AGMO: variants seen among roughly 807,000 people sequenced by gnomAD.
The protein encoded by AGMO is glyceryl-ether monooxygenase.
Under a neutral mutation model 60.2 loss-of-function variants are expected in AGMO, and 75 were observed. The observed-to-expected ratio is 1.25, with a 90% CI of 1.03 to 1.51. AGMO has a LOEUF of 1.51. Among genes scored for constraint, AGMO ranks in the 40% most tolerant of loss-of-function variants. AGMO has a pLI of 0.00. For missense variants in AGMO, 763 were observed against 525.5 expected (o/e 1.45, Z -4.42); for synonymous variants, 261 against 177.1 (o/e 1.47, Z -3.76).
At chr7:15,418,017 G>C (rs77222727) in intron 5 of AGMO, among the ~76,000 whole-genome samples, 18 of 152,090 alleles carry the variant, frequency 1.2e-4, no homozygotes, top group Middle Eastern at 3.4e-3. Flanking sequence ...TGCCACGGAA[G>C]ACTCTAAAAT....
intron 12 of AGMO, among the ~76,000 whole-genome samples, chr7:15,293,653 T>C (rs1291611111): frequency 6.6e-6 from 1 of 152,200 alleles, no homozygotes; most frequent in Non-Finnish European, 1.5e-5. Flanking sequence ...TATTCAGGTG[T>C]TCAAAGAAAG....
chr7:15,172,839 G>A, the AGMO span, among the ~76,000 whole-genome samples: 1 of 152,104 alleles, frequency 6.6e-6, no homozygotes, highest in Non-Finnish European at 1.5e-5. Flanking sequence ...AGAGGATGGC[G>A]CTGTGTTTCC....
the AGMO span, among the ~76,000 whole-genome samples, chr7:15,152,891 C>T: frequency 3.8e-4 from 58 of 152,230 alleles, no homozygotes; most frequent in African/African-American, 1.3e-3. Flanking sequence ...AATGACAGAT[C>T]TACTTTTAGT....
intron 12 of AGMO, among the ~76,000 whole-genome samples, chr7:15,311,788 T>G (rs1341305245): frequency 6.6e-6 from 1 of 152,308 alleles, no homozygotes; most frequent in Non-Finnish European, 1.5e-5. Flanking sequence ...TCTGTTGAAA[T>G]TATCAGACAT....
rs562554398 is a variant in AGMO, at chr7:15,352,582, C to T, written c.1263+12932G>A. 4.0e-5 allele frequency among the ~76,000 whole-genome samples: 6 copies of T among 151,744 alleles called. No homozygotes were observed. The South Asian group carries it at 1.2e-3, about 32-fold the overall frequency. The stretch of plus-strand genomic sequence containing the variant: ...CTCAGGCTTGGCCAGAAATGCGTGG[C>T]AATTTTACGGTCAATTGGCGGGAGC... On this transcript the variant is annotated intron_variant, in intron 12 of 12. Transcript: ENST00000342526.
At chr7:15,300,778 G>T (rs1052200937) in intron 12 of AGMO, among the ~76,000 whole-genome samples, 3 of 152,146 alleles carry the variant, frequency 2.0e-5, no homozygotes, top group African/African-American at 7.2e-5. Context: ...ACATTCTGTA[G>T]CACTGCTTGT....
intron 12 of AGMO, among the ~76,000 whole-genome samples, chr7:15,308,315 A>G (rs1453534496): frequency 1.3e-5 from 2 of 152,010 alleles, no homozygotes; most frequent in East Asian, 3.9e-4. Flanking sequence ...CTATTTAAAA[A>G]TTTATCCTTG....
intron 12 of AGMO, among the ~76,000 whole-genome samples, chr7:15,312,616 T>G (rs992995282): frequency 6.6e-6 from 1 of 151,884 alleles, no homozygotes; most frequent in Non-Finnish European, 1.5e-5. Context: ...TATAAAGTTG[T>G]GAATCAAAGT....
chr7:15,507,814 T>A (rs528869723), intron 3 of AGMO, among the ~76,000 whole-genome samples: 1 of 152,196 alleles, frequency 6.6e-6, no homozygotes, highest in South Asian at 2.1e-4. Flanking sequence ...AGATAGATAT[T>A]ACAGTAAACT....
At chr7:15,354,370 A>ACG (rs1554422603) in intron 12 of AGMO, among the ~76,000 whole-genome samples, 1,027 of 62,802 alleles carry the variant, frequency 0.016, 124 homozygotes, top group African/African-American at 0.027. Context: ...GTGTATATAG[A>ACG]CGTGTGTATA....
intron 12 of AGMO, among the ~76,000 whole-genome samples, chr7:15,301,406 T>C (rs1202081117): frequency 6.6e-6 from 1 of 151,694 alleles, no homozygotes; most frequent in Non-Finnish European, 1.5e-5. Context: ...GCCACTGCAC[T>C]CCAGCCTGGG....
chr7:15,232,601 A>T (rs1782290483), intron 12 of AGMO, among the ~76,000 whole-genome samples: 1 of 152,162 alleles, frequency 6.6e-6, no homozygotes, highest in Non-Finnish European at 1.5e-5. Flanking sequence ...CTGCCTTTAT[A>T]AATTGGAATG....
chr7:15,472,355 G>C lies in AGMO; in HGVS notation c.410-41247C>G, dbSNP rs79806148. ...TGGAAATGTATTTCTTAAAAGGAAA[G>C]ATCTTCAGTAAACTCAGATGTATGC... On this transcript the variant is annotated intron_variant, in intron 3 of 12. Coordinates refer to ENST00000342526, the MANE Select transcript of AGMO (RefSeq NM_001004320.2). 2.9e-4 allele frequency among the ~76,000 whole-genome samples: 44 copies of C among 152,040 alleles called. No individual in the cohort carries two copies. In the East Asian group the frequency reaches 8.1e-3, roughly 28 times the overall value.
intron 12 of AGMO, among the ~76,000 whole-genome samples, chr7:15,280,570 G>A (rs965498991): frequency 2.0e-5 from 3 of 152,158 alleles, no homozygotes; most frequent in East Asian, 3.9e-4. Context: ...CCCACCTATA[G>A]CTTGAAAATC....
intron 3 of AGMO, among the ~76,000 whole-genome samples, chr7:15,432,699 G>T (rs2128498941): frequency 6.6e-6 from 1 of 151,890 alleles, no homozygotes; most frequent in East Asian, 1.9e-4. Context: ...TTAATCATTT[G>T]TAGGAAAGAC....
rs565456438 is a variant in AGMO at position 15,271,235 on chromosome 7, T to C, written c.1264-69876A>G. ...GTGTTGGTAATTTGATAGAAATTCATTAAATCTGTAGATGGCTATGGGCAG... is the reference window on the plus strand; with the variant it reads ...GTGTTGGTAATTTGATAGAAATTCACTAAATCTGTAGATGGCTATGGGCAG... On this transcript the variant is annotated intron_variant, in intron 12 of 12. Transcript: ENST00000342526. Among the ~76,000 whole-genome samples the C allele has an allele frequency of 2.0e-5, 3 of 152,300 alleles. No individual in the cohort carries two copies. The South Asian group carries it at 6.2e-4, about 32-fold the overall frequency.
chr7:15,137,338 T>C, the AGMO span, among the ~76,000 whole-genome samples: 43 of 152,368 alleles, frequency 2.8e-4, no homozygotes, highest in Middle Eastern at 3.4e-3. Flanking sequence ...TATCTGATAA[T>C]GTATTTTCTT....
At chr7:15,516,255 G>A (rs1410238750) in intron 3 of AGMO, among the ~76,000 whole-genome samples, 1 of 151,820 alleles carries the variant, frequency 6.6e-6, no homozygotes, top group East Asian at 1.9e-4. Flanking sequence ...AGAGAGAGAA[G>A]GAGAAGATGG....
intron 12 of AGMO, among the ~76,000 whole-genome samples, chr7:15,241,584 C>T (rs1243093486): frequency 6.6e-6 from 1 of 151,812 alleles, no homozygotes; most frequent in East Asian, 1.9e-4. Flanking sequence ...GTCCTTCCCT[C>T]CATCCTAGTA....
Sources: allele counts gnomAD v4.1 joint callset (sites outside exome capture counted in the v4.1 genomes callset), GRCh38; gene constraint gnomAD v4.1.1; transcripts MANE v1.5; gene names NCBI Gene and HGNC (gene_info 2026-07-23, HGNC 2026-07-21).